Variants in RBFOX1 observed in about 807,000 individuals in gnomAD.
RBFOX1 encodes RNA binding fox-1 homolog 1, also known as RNA binding protein fox-1 homolog 1.
A neutral mutation model predicts 57.7 loss-of-function variants in RBFOX1; 8 were observed. The ratio of observed to expected loss-of-function variants is 0.14; its 90% CI spans 0.08 to 0.25. RBFOX1 has a LOEUF of 0.25. Among genes scored for constraint, RBFOX1 ranks in the 10% least tolerant of loss-of-function variants. RBFOX1 has a pLI of 1.00. For synonymous variants in RBFOX1, 326 were observed against 222.4 expected (o/e 1.47, Z -4.15); for missense variants, 611 against 548.5 (o/e 1.11, Z -1.14).
chr16:6,954,621 G>T (rs1001743239), intron 3 of RBFOX1, among the ~76,000 whole-genome samples: 1 of 152,012 alleles, frequency 6.6e-6, no homozygotes, highest in Non-Finnish European at 1.5e-5. Flanking sequence ...GAGAAACTGA[G>T]GCAAAAAGAG....
rs538731510 is a variant in RBFOX1 at position 5,681,396 on chromosome 16, T to C, written c.318+82435T>C. ...ACCGTGCCCAGCTTTTTTCTTTTTT[T>C]TTTTTTTTTGAGGTGGAGTTTCTCT... is the stretch of plus-strand genomic sequence containing the variant. On this transcript the variant is annotated intron_variant, in intron 3 of 19. Coordinates refer to the RBFOX1 transcript ENST00000641259. 3.5e-4 allele frequency among the ~76,000 whole-genome samples: 53 copies of C among 150,350 alleles called. 1 individual carries two copies. The South Asian group carries it at 5.5e-3, about 16-fold the overall frequency.
intron 4 of RBFOX1, among the ~76,000 whole-genome samples, chr16:7,356,031 C>G (rs1381429261): frequency 2.6e-5 from 4 of 152,218 alleles, no homozygotes; most frequent in African/African-American, 4.8e-5. Context: ...AATGAAGAAG[C>G]AAGCTCCAAC....
chr16:6,487,701 ATATATATATATATAT>A (rs1407701287), intron 2 of RBFOX1, among the ~76,000 whole-genome samples: 9 of 4,492 alleles, frequency 2.0e-3, no homozygotes, highest in African/African-American at 6.1e-3. Flanking sequence ...AAAAAAAAAA[ATATATATATATATAT>A]ATATATATAT....
At chr16:7,015,786 T>TC (rs375280789) in intron 3 of RBFOX1, among the ~76,000 whole-genome samples, 1 of 152,138 alleles carries the variant, frequency 6.6e-6, no homozygotes, top group Non-Finnish European at 1.5e-5. Context: ...ATTTTTTTTT[T>TC]CTGACTAATA....
At chr16:5,921,796 A>C (rs2058827804) in intron 4 of RBFOX1, among the ~76,000 whole-genome samples, 1 of 152,054 alleles carries the variant, frequency 6.6e-6, no homozygotes, top group South Asian at 2.1e-4. Context: ...GAGCAGGTGC[A>C]TGACATGGCG....
At chr16:6,747,197 C>T (rs1041830364) in intron 3 of RBFOX1, among the ~76,000 whole-genome samples, 1 of 152,110 alleles carries the variant, frequency 6.6e-6, no homozygotes, top group Non-Finnish European at 1.5e-5. Flanking sequence ...ATCACAAGGT[C>T]AGGAGTTCGA....
chr16:5,519,428 G>C (rs182460874), intron 2 of RBFOX1, among the ~76,000 whole-genome samples: 2 of 152,270 alleles, frequency 1.3e-5, no homozygotes, highest in Admixed American at 1.3e-4. Context: ...TACTTAATTT[G>C]TTAAAATAGG....
At chr16:5,287,269 T>A (rs1023473132) in intron 1 of RBFOX1, among the ~76,000 whole-genome samples, 4 of 152,056 alleles carry the variant, frequency 2.6e-5, no homozygotes, top group African/African-American at 9.7e-5. Context: ...GTTCCACTTG[T>A]ACTCTACCCT....
rs77649976 is a variant in RBFOX1 at position 7,619,748 on chromosome 16, G to C, written c.677-10855G>C. ...AGACTTGTAAATTCCACTGTTTTCAGTTGAATGACAGTTTCTAATTTTTTT... is the reference window on the plus strand; with the variant it reads ...AGACTTGTAAATTCCACTGTTTTCACTTGAATGACAGTTTCTAATTTTTTT... On this transcript the variant is annotated intron_variant, in intron 10 of 15. Coordinates refer to ENST00000550418, the MANE Select transcript of RBFOX1 (RefSeq NM_018723.4). Among the ~76,000 whole-genome samples the C allele has an allele frequency of 8.5e-5, 13 of 152,236 alleles. No individual in the cohort carries two copies. The East Asian group carries it at 2.5e-3, about 29-fold the overall frequency.
intron 1 of RBFOX1, among the ~76,000 whole-genome samples, chr16:6,172,125 G>GT (rs1057468945): frequency 1.5e-4 from 23 of 152,168 alleles, no homozygotes; most frequent in African/African-American, 5.1e-4. Context: ...CCAGCTAGCT[G>GT]TTTTTTTATC....
At chr16:5,871,845 T>C (rs982180546) in intron 4 of RBFOX1, among the ~76,000 whole-genome samples, 8 of 152,366 alleles carry the variant, frequency 5.3e-5, no homozygotes, top group South Asian at 4.1e-4. Flanking sequence ...TTTTGATAAA[T>C]TGGCCTGCTT....
chr16:7,172,109 A>C (rs879769260), intron 4 of RBFOX1, among the ~76,000 whole-genome samples: 1 of 152,206 alleles, frequency 6.6e-6, no homozygotes, highest in Non-Finnish European at 1.5e-5. Context: ...CTGTAAAATG[A>C]AACATCCCAA....
At chr16:6,717,420 C>G (rs1017213099) in intron 3 of RBFOX1, among the ~76,000 whole-genome samples, 1 of 152,042 alleles carries the variant, frequency 6.6e-6, no homozygotes, top group Non-Finnish European at 1.5e-5. Context: ...GCATAAGAAA[C>G]TTGAGAGCAG....
intron 3 of RBFOX1, among the ~76,000 whole-genome samples, chr16:7,049,556 C>G (rs897566525): frequency 2.6e-5 from 4 of 152,132 alleles, no homozygotes; most frequent in Non-Finnish European, 5.9e-5. Flanking sequence ...AGTGCTTCTC[C>G]TGAGTCTTTA....
At chr16:6,722,308 T>C (rs576399706) in intron 3 of RBFOX1, among the ~76,000 whole-genome samples, 1 of 136,892 alleles carries the variant, frequency 7.3e-6, no homozygotes, top group Non-Finnish European at 1.6e-5. Context: ...TCGCCAACTT[T>C]TGTTATTTTC....
At chr16:6,641,038 A>C (rs1317762595) in intron 2 of RBFOX1, among the ~76,000 whole-genome samples, 1 of 152,032 alleles carries the variant, frequency 6.6e-6, no homozygotes, top group Admixed American at 6.6e-5. Flanking sequence ...GCGTAAACTC[A>C]CCGTTCTGCA....
chr16:7,558,471 A>T (rs1173721366), intron 5 of RBFOX1, among the ~76,000 whole-genome samples: 1 of 152,148 alleles, frequency 6.6e-6, no homozygotes, highest in Non-Finnish European at 1.5e-5. Flanking sequence ...CATGTATAGT[A>T]CATAAATACA....
At chr16:6,677,125 A>C (rs1053009407) in intron 3 of RBFOX1, among the ~76,000 whole-genome samples, 11 of 152,262 alleles carry the variant, frequency 7.2e-5, no homozygotes, top group African/African-American at 2.7e-4. Context: ...AAAAGTAGAT[A>C]GATACTTTTT....
chr16:5,926,454 G>A (rs1190847898), intron 4 of RBFOX1, among the ~76,000 whole-genome samples: 3 of 152,136 alleles, frequency 2.0e-5, no homozygotes, highest in African/African-American at 4.8e-5. Context: ...TGTAGGCAGG[G>A]CAGGAGTTAG....
Sources: allele counts gnomAD v4.1 joint callset (sites outside exome capture counted in the v4.1 genomes callset), GRCh38; gene constraint gnomAD v4.1.1; transcripts MANE v1.5; gene names NCBI Gene and HGNC (gene_info 2026-07-23, HGNC 2026-07-21).